USH2A: variants seen among roughly 807,000 people sequenced by gnomAD.
The protein encoded by USH2A is Usher syndrome 2A (autosomal recessive, mild).
In USH2A, 443 loss-of-function variants were observed where a neutral mutation model predicts 538.9. The ratio of observed to expected loss-of-function variants is 0.82; its 90% CI spans 0.76 to 0.89. USH2A has a LOEUF of 0.89. Ranked by LOEUF, USH2A falls within the 40% of genes least tolerant of loss-of-function variation. USH2A has a pLI of 0.00. For synonymous variants in USH2A, 2,413 were observed against 2,273.5 expected (o/e 1.06, Z -1.75); for missense variants, 6,633 against 6,324.8 (o/e 1.05, Z -1.65).
At chr1:216,413,512 C>T (rs1467321832) in intron 3 of USH2A, among the ~76,000 whole-genome samples, 1 of 152,062 alleles carries the variant, frequency 6.6e-6, no homozygotes, top group African/African-American at 2.4e-5. Flanking sequence ...TCCTCCAGAA[C>T]TATCAATAGT....
At chr1:216,312,397 C>T (rs558516543) in intron 9 of USH2A, among the ~76,000 whole-genome samples, 1 of 151,924 alleles carries the variant, frequency 6.6e-6, no homozygotes, top group African/African-American at 2.4e-5. Flanking sequence ...CTGTTCCTTT[C>T]TCTTCTTCTT....
Position 215,782,210 on chromosome 1 carries a change from A to G in USH2A, c.10586-14T>C. 1 of 1,613,064 alleles carries G rather than the reference A, an allele frequency of 6.2e-7. No homozygotes were observed. Among genetic ancestry groups the G allele is most frequent in the Non-Finnish European group, 8.5e-7 (1 of 1,179,322 alleles). ...AAATAATAGGACCTAAAAGAAGCAG[A>G]AAAATGACTGCATTTGAATGTGATA... On this transcript the variant is annotated splice_polypyrimidine_tract_variant and intron_variant, in intron 53 of 71. Transcript: ENST00000307340.
intron 43 of USH2A, among the ~76,000 whole-genome samples, chr1:215,867,905 C>T (rs1407465820): frequency 6.6e-6 from 1 of 151,880 alleles, no homozygotes; most frequent in Non-Finnish European, 1.5e-5. Flanking sequence ...TTTTTTTTAA[C>T]CAGTTTTGGG....
chr1:215,829,585 T>C (rs996749468), intron 47 of USH2A, among the ~76,000 whole-genome samples: 3 of 152,208 alleles, frequency 2.0e-5, no homozygotes, highest in Admixed American at 6.5e-5. Context: ...GTTGCTAATA[T>C]GAAAGATTTT....
chr1:216,119,408 G>A (rs2033078992), intron 21 of USH2A, among the ~76,000 whole-genome samples: 1 of 151,664 alleles, frequency 6.6e-6, no homozygotes, highest in Non-Finnish European at 1.5e-5. Flanking sequence ...GTGAGTATCA[G>A]TTGCTACTCT....
intron 21 of USH2A, among the ~76,000 whole-genome samples, chr1:216,148,699 C>A (rs2033765165): frequency 2.0e-5 from 3 of 152,084 alleles, no homozygotes; most frequent in Non-Finnish European, 2.9e-5. Context: ...ACCTTATCAA[C>A]CAAATTGTTT....
chr1:216,404,998 C>T (rs901366597), intron 3 of USH2A, among the ~76,000 whole-genome samples: 1 of 151,890 alleles, frequency 6.6e-6, no homozygotes, highest in African/African-American at 2.4e-5. Flanking sequence ...CCTCAGCCTC[C>T]CCCATAGGTG....
In USH2A at chr1:215,769,080, T is replaced by C. The variant is rs938391729; in HGVS notation, c.10940-2292A>G. ...ATCCCTGTCCACAGCAATGATTTCATTGAGTTGGAGATATTTTTTAGTTGC... is the reference window on the plus strand; with the variant it reads ...ATCCCTGTCCACAGCAATGATTTCACTGAGTTGGAGATATTTTTTAGTTGC... On this transcript the variant is annotated intron_variant, in intron 55 of 71. Coordinates refer to ENST00000307340, the MANE Select transcript of USH2A (RefSeq NM_206933.4). Among the ~76,000 whole-genome samples, 4 of 152,192 alleles carry C rather than the reference T, an allele frequency of 2.6e-5. No homozygotes were observed. In the East Asian group the frequency reaches 7.7e-4, roughly 29 times the overall value.
intron 11 of USH2A, among the ~76,000 whole-genome samples, chr1:216,255,621 A>G (rs2036243077): frequency 1.3e-5 from 2 of 152,114 alleles, no homozygotes. Flanking sequence ...TTTTAAATCT[A>G]TTGAGGCTTG....
chr1:216,226,657 T>C (rs966744268), intron 14 of USH2A, among the ~76,000 whole-genome samples: 5 of 152,228 alleles, frequency 3.3e-5, no homozygotes, highest in African/African-American at 4.8e-5. Flanking sequence ...TTTGTTTTAG[T>C]GCAGTCAGAT....
intron 3 of USH2A, among the ~76,000 whole-genome samples, chr1:216,383,370 A>G (rs570526490): frequency 6.6e-6 from 1 of 152,266 alleles, no homozygotes; most frequent in East Asian, 1.9e-4. Context: ...CAAATTAAGA[A>G]ATTAGAGATG....
chr1:216,034,066 A>G (rs1669189059), intron 32 of USH2A, among the ~76,000 whole-genome samples: 1 of 152,214 alleles, frequency 6.6e-6, no homozygotes, highest in Non-Finnish European at 1.5e-5. Context: ...TGCAGTGAGA[A>G]AAATGTTCAT....
chr1:215,710,990 T>A (rs1205457202), intron 61 of USH2A, among the ~76,000 whole-genome samples: 3 of 152,082 alleles, frequency 2.0e-5, no homozygotes, highest in Non-Finnish European at 4.4e-5. Context: ...AGTAAGTCAC[T>A]GCTGCTTCAG....
chr1:216,273,247 G>C (rs1019655522), intron 11 of USH2A, among the ~76,000 whole-genome samples: 2 of 152,052 alleles, frequency 1.3e-5, no homozygotes, highest in Admixed American at 6.6e-5. Context: ...ACTGAAAATA[G>C]AAGAGGTTCT....
intron 44 of USH2A, among the ~76,000 whole-genome samples, chr1:215,851,076 C>G (rs1417400727): frequency 1.3e-5 from 2 of 152,036 alleles, no homozygotes; most frequent in Non-Finnish European, 2.9e-5. Flanking sequence ...GTCTTAAATG[C>G]CTATATCAAA....
At chr1:215,850,433 A>G (rs1663986098) in intron 44 of USH2A, among the ~76,000 whole-genome samples, 1 of 152,158 alleles carries the variant, frequency 6.6e-6, no homozygotes, top group Non-Finnish European at 1.5e-5. Context: ...GGCCCCATGC[A>G]TCTGGACTGA....
chr1:216,234,341 C>A lies in USH2A; in HGVS notation c.2810-2205G>T, dbSNP rs146721637. Among the ~76,000 whole-genome samples, 525 of 152,214 alleles carry A rather than the reference C, an allele frequency of 3.4e-3. 2 individuals are homozygous for A. The highest frequency in any genetic ancestry group is 0.012 in the African/African-American group (499 of 41,538). ...CTCAAAATATGTGCCATTCAGTTGG[C>A]GGAAATCAACTAATACTATCATTTT... On this transcript the variant is annotated intron_variant, in intron 13 of 71. Coordinates refer to ENST00000307340, the MANE Select transcript of USH2A (RefSeq NM_206933.4).
chr1:216,319,151 T>C (rs116382303), intron 9 of USH2A, among the ~76,000 whole-genome samples: 1,719 of 152,238 alleles, frequency 0.011, 15 homozygotes, highest in Non-Finnish European at 0.019. Context: ...CATTTTTTAA[T>C]TGGGGTGTTA....
In USH2A at chr1:216,360,737, A is replaced by G. The variant is rs563056110; in HGVS notation, c.784+4216T>C. Among the ~76,000 whole-genome samples the G allele has an allele frequency of 9.3e-4, 142 of 152,174 alleles. 1 individual carries two copies. The highest frequency in any genetic ancestry group is 3.2e-3 in the African/African-American group (135 of 41,548). ...GTCTATTAAGAAGGAAAACCAATGA[A>G]TATGTTTGAACAAGTCTAACAAATA... On this transcript the variant is annotated intron_variant, in intron 4 of 71. Coordinates refer to ENST00000307340, the MANE Select transcript of USH2A (RefSeq NM_206933.4).
Sources: allele counts gnomAD v4.1 joint callset (sites outside exome capture counted in the v4.1 genomes callset), GRCh38; gene constraint gnomAD v4.1.1; transcripts MANE v1.5; gene names NCBI Gene and HGNC (gene_info 2026-07-23, HGNC 2026-07-21).